Variants in DSCAML1 observed in about 807,000 individuals in gnomAD.
DSCAML1 encodes cell adhesion molecule DSCAML1.
DSCAML1 carries 38 observed loss-of-function variants against 200.5 expected under a neutral mutation model. That is an observed-to-expected ratio of 0.19 (90% CI 0.15 to 0.25). DSCAML1 has a LOEUF of 0.25. DSCAML1 is among the 10% of genes least tolerant of loss of function. DSCAML1 has a pLI of 1.00. For synonymous variants in DSCAML1, 1,215 were observed against 1,165.0 expected, an observed-to-expected ratio of 1.04 and a Z score of -0.87; for missense variants, 2,223 against 2,858.8, an observed-to-expected ratio of 0.78 and a Z score of 5.07.
intron 3 of DSCAML1, among the ~76,000 whole-genome samples, chr11:117,553,482 T>C (rs1207494131): frequency 1.3e-5 from 2 of 152,140 alleles, no homozygotes; most frequent in Non-Finnish European, 2.9e-5. Context: ...ACGACTTGAA[T>C]AGACAGTTCC....
chr11:117,805,158 G>A (rs1481937560), intron 1 of DSCAML1, among the ~76,000 whole-genome samples: 1 of 152,196 alleles, frequency 6.6e-6, no homozygotes, highest in Non-Finnish European at 1.5e-5. Flanking sequence ...TGGATTATTT[G>A]AGAGAAAACA....
intron 3 of DSCAML1, among the ~76,000 whole-genome samples, chr11:117,654,029 A>G (rs1426758185): frequency 3.3e-5 from 5 of 152,058 alleles, no homozygotes; most frequent in African/African-American, 1.2e-4. Context: ...TTTGTTTCTT[A>G]AAAAAAAGTA....
At chr11:117,611,451 C>T (rs529198504) in intron 3 of DSCAML1, 55 of 152,276 alleles carry the variant, frequency 3.6e-4, no homozygotes, top group African/African-American at 1.3e-3. Flanking sequence ...CTCATGAGCT[C>T]TGCATGAGAC....
intron 3 of DSCAML1, among the ~76,000 whole-genome samples, chr11:117,550,688 G>A (rs188938870): frequency 2.8e-4 from 43 of 152,280 alleles, no homozygotes; most frequent in South Asian, 1.5e-3. Flanking sequence ...ATTGGCCAGC[G>A]TGGCACCAGC....
At chr11:117,566,929 C>T (rs1276703616) in intron 3 of DSCAML1, among the ~76,000 whole-genome samples, 1 of 151,770 alleles carries the variant, frequency 6.6e-6, no homozygotes, top group Non-Finnish European at 1.5e-5. Flanking sequence ...TACGGCTGCA[C>T]AGTATTCCAT....
At chr11:117,778,559 C>A (rs1474071716) in intron 2 of DSCAML1, among the ~76,000 whole-genome samples, 2 of 152,240 alleles carry the variant, frequency 1.3e-5, no homozygotes, top group African/African-American at 4.8e-5. Context: ...AAAGGCCCAG[C>A]CCAAGGAAAG....
At chr11:117,467,318 C>T (rs1056927635) in intron 16 of DSCAML1, among the ~76,000 whole-genome samples, 4 of 151,876 alleles carry the variant, frequency 2.6e-5, no homozygotes, top group African/African-American at 9.7e-5. Context: ...TTTAGATCCG[C>T]AAATAGAAAC....
intron 3 of DSCAML1, among the ~76,000 whole-genome samples, chr11:117,569,280 T>C (rs894794589): frequency 6.6e-6 from 1 of 152,194 alleles, no homozygotes; most frequent in Admixed American, 6.5e-5. Flanking sequence ...GAAGAAAACC[T>C]AGGCATTACC....
At chr11:117,672,445 G>T (rs543876083) in intron 3 of DSCAML1, among the ~76,000 whole-genome samples, 1 of 152,194 alleles carries the variant, frequency 6.6e-6, no homozygotes, top group African/African-American at 2.4e-5. Context: ...TCACAAAAAT[G>T]CTGATGGCTT....
chr11:117,763,169 C>T (rs565563431), intron 3 of DSCAML1, among the ~76,000 whole-genome samples: 1 of 152,132 alleles, frequency 6.6e-6, no homozygotes, highest in African/African-American at 2.4e-5. Flanking sequence ...CAGCTCTGGT[C>T]CCACCCACCT....
intron 3 of DSCAML1, among the ~76,000 whole-genome samples, chr11:117,767,964 C>T (rs1475656160): frequency 6.6e-6 from 1 of 152,172 alleles, no homozygotes; most frequent in African/African-American, 2.4e-5. Context: ...ATTGCCTCCC[C>T]TCTCACTCCT....
rs1200493535 is a variant in DSCAML1 at position 117,433,244 on chromosome 11, T to C, written c.4920A>G (p.Arg1640=). ...GCCCTTTCACAGGGGTGTCAAAGCT[T>C]CTATTGTTCTTGCTGTGGGGAGAAA... ...LAEMLISKNN[R]SFDTPVKGPP... Residue 1640 remains arginine, a synonymous_variant, in exon 29 of 33, where the codon AGA becomes AGG. Transcript: ENST00000651296. 1 of 1,610,664 alleles carries C rather than the reference T, an allele frequency of 6.2e-7. No homozygotes were observed. The highest frequency in any genetic ancestry group is 8.5e-7 in the Non-Finnish European group (1 of 1,178,454).
intron 3 of DSCAML1, among the ~76,000 whole-genome samples, chr11:117,749,722 G>A (rs564825621): frequency 7.1e-4 from 108 of 152,354 alleles, no homozygotes; most frequent in African/African-American, 2.4e-3. Flanking sequence ...CAGCACGGTC[G>A]GGCTGAGCTG....
chr11:117,718,244 G>A (rs2053986282), intron 3 of DSCAML1, among the ~76,000 whole-genome samples: 2 of 151,820 alleles, frequency 1.3e-5, no homozygotes, highest in Admixed American at 6.6e-5. Context: ...CCCCCTTCCC[G>A]AGGCTGACAC....
At chr11:117,783,979 C>T (rs559420803) in intron 1 of DSCAML1, among the ~76,000 whole-genome samples, 2 of 152,252 alleles carry the variant, frequency 1.3e-5, no homozygotes, top group Non-Finnish European at 1.5e-5. Flanking sequence ...CCTTCCTGCA[C>T]TCCTGGGCCT....
chr11:117,432,339 G>T lies in DSCAML1; in HGVS notation c.5179+13C>A. 6.2e-7 allele frequency: 1 copy of T among 1,610,196 alleles called. No individual in the cohort carries two copies. Among genetic ancestry groups the T allele is most frequent in the Non-Finnish European group, 8.5e-7 (1 of 1,178,330 alleles). On this transcript the variant is annotated intron_variant, in intron 30 of 32. Transcript: ENST00000651296. The stretch of plus-strand genomic sequence containing the variant: ...GTTGGGAAAAGGGCTGTCTCCCTGG[G>T]GATAATGCGTACTGGTTCCTGGCCG...
intron 3 of DSCAML1, among the ~76,000 whole-genome samples, chr11:117,540,441 T>C (rs1281399345): frequency 1.3e-5 from 2 of 152,014 alleles, no homozygotes; most frequent in African/African-American, 4.8e-5. Context: ...ATGAAACCAG[T>C]GGGGGACTGC....
chr11:117,545,226 T>TAAAAAA (rs369727751), intron 3 of DSCAML1, among the ~76,000 whole-genome samples: 1 of 135,928 alleles, frequency 7.4e-6, no homozygotes, highest in African/African-American at 2.9e-5. Context: ...CAAGATTCCG[T>TAAAAAA]AAAAAAAAAC....
At chr11:117,512,173 C>G (rs1026141134) in intron 8 of DSCAML1, among the ~76,000 whole-genome samples, 2 of 152,202 alleles carry the variant, frequency 1.3e-5, no homozygotes, top group African/African-American at 2.4e-5. Context: ...TCCCTGCCCC[C>G]GCAACTTGCC....
Sources: allele counts gnomAD v4.1 joint callset (sites outside exome capture counted in the v4.1 genomes callset), GRCh38; gene constraint gnomAD v4.1.1; transcripts MANE v1.5; gene names NCBI Gene and HGNC (gene_info 2026-07-23, HGNC 2026-07-21).